Variants in NCK2 observed in about 807,000 individuals in gnomAD.
The protein encoded by NCK2 is cytoplasmic protein NCK2.
A neutral mutation model predicts 33.9 loss-of-function variants in NCK2; 16 were observed. The ratio of observed to expected loss-of-function variants is 0.47; its 90% CI spans 0.32 to 0.72. The LOEUF is 0.72. Among genes scored for constraint, NCK2 ranks in the 30% least tolerant of loss-of-function variants. NCK2 has a pLI of 0.03. For missense variants in NCK2, 418 were observed against 537.3 expected (o/e 0.78, Z 2.19); for synonymous variants, 273 against 239.9 (o/e 1.14, Z -1.27).
intron 1 of NCK2, among the ~76,000 whole-genome samples, chr2:105,766,308 C>G (rs1689947403): frequency 6.6e-6 from 1 of 152,116 alleles, no homozygotes; most frequent in African/African-American, 2.4e-5. Flanking sequence ...CCTTCTCTCA[C>G]CTCTTTTAGG....
intron 1 of NCK2, among the ~76,000 whole-genome samples, chr2:105,785,372 G>A (rs1357611439): frequency 6.6e-6 from 1 of 152,234 alleles, no homozygotes; most frequent in Non-Finnish European, 1.5e-5. Flanking sequence ...AAGGAGGCTA[G>A]TGGGAAGCTT....
chr2:105,891,568 T>TTTA (rs1678983613), intron 4 of NCK2, among the ~76,000 whole-genome samples: 1 of 11,234 alleles, frequency 8.9e-5, no homozygotes, highest in Non-Finnish European at 1.5e-4. Context: ...TTTTTTTTTT[T>TTTA]GAGATTTTTC....
At chr2:105,885,772 G>T (rs1678695313) in intron 4 of NCK2, among the ~76,000 whole-genome samples, 1 of 152,080 alleles carries the variant, frequency 6.6e-6, no homozygotes, top group Non-Finnish European at 1.5e-5. Flanking sequence ...AACCATTTCT[G>T]CATAATACTA....
At chr2:105,859,388 C>G (rs749917160) in intron 3 of NCK2, among the ~76,000 whole-genome samples, 2 of 152,134 alleles carry the variant, frequency 1.3e-5, no homozygotes, top group African/African-American at 4.8e-5. Context: ...CACCCTGCCA[C>G]CCTACCTACC....
rs536719096 is a variant in NCK2, at chr2:105,750,138, G to T, written c.-201+5000G>T. On this transcript the variant is annotated intron_variant, in intron 1 of 4. Transcript: ENST00000233154. ...TTTCTCACAGTTCTGGAGGCTGGAA[G>T]TCCATGACCCCGGGGCCGGCAGGGC... Among the ~76,000 whole-genome samples, 517 of 152,076 alleles carry T rather than the reference G, an allele frequency of 3.4e-3. 5 individuals are homozygous for T. Among genetic ancestry groups the T allele is most frequent in the African/African-American group, 0.012 (481 of 41,450 alleles).
At chr2:105,887,226 A>C (rs1278399454) in intron 4 of NCK2, among the ~76,000 whole-genome samples, 2 of 152,248 alleles carry the variant, frequency 1.3e-5, no homozygotes, top group Non-Finnish European at 2.9e-5. Context: ...AGAAACTATT[A>C]ATCAGTGGAT....
intron 2 of NCK2, among the ~76,000 whole-genome samples, chr2:105,850,047 G>C (rs902728380): frequency 1.2e-4 from 19 of 152,142 alleles, no homozygotes; most frequent in Non-Finnish European, 2.5e-4. Context: ...TTGTATTCAT[G>C]TCTCTCCTGA....
intron 1 of NCK2, among the ~76,000 whole-genome samples, chr2:105,763,954 A>G (rs1689849527): frequency 6.6e-6 from 1 of 152,236 alleles, no homozygotes; most frequent in Non-Finnish European, 1.5e-5. Flanking sequence ...ATGTGTCAAT[A>G]ATAATAGCTG....
At chr2:105,786,683 G>A (rs1236668134) in intron 1 of NCK2, among the ~76,000 whole-genome samples, 1 of 152,134 alleles carries the variant, frequency 6.6e-6, no homozygotes, top group Admixed American at 6.5e-5. Context: ...GACTCTCCTG[G>A]GTCCCCGGGC....
rs1292416285 is a variant in NCK2, at chr2:105,789,216, C to T, written c.-200-27214C>T. 9.9e-5 allele frequency among the ~76,000 whole-genome samples: 15 copies of T among 152,076 alleles called. No homozygotes were observed. The East Asian group carries it at 2.7e-3, about 27-fold the overall frequency. On this transcript the variant is annotated intron_variant, in intron 1 of 4. Transcript: ENST00000233154. ...CTTTTTCTTTTTTTGGAGACAGAGT[C>T]TTACCCTATTGACCAGGCTGGAGTG...
rs761423872 is a variant in NCK2 at position 105,881,766 on chromosome 2, T to C, written c.665T>C (p.Met222Thr). ...EELNFEKGET[M>T]EVIEKPENDP... ...CTCAACTTCGAGAAGGGGGAGACCATGGAGGTGATTGAGAAGCCGGAGAAC... is the reference window on the plus strand; with the variant it reads ...CTCAACTTCGAGAAGGGGGAGACCACGGAGGTGATTGAGAAGCCGGAGAAC... Residue 222 changes from methionine to threonine, a missense_variant, in exon 4 of 5, where the codon ATG becomes ACG. Coordinates refer to ENST00000233154, the MANE Select transcript of NCK2 (RefSeq NM_003581.5). 6.2e-7 allele frequency: 1 copy of C among 1,614,012 alleles called. No homozygotes were observed. Among genetic ancestry groups the C allele is most frequent in the Non-Finnish European group, 8.5e-7 (1 of 1,179,960 alleles).
intron 3 of NCK2, among the ~76,000 whole-genome samples, chr2:105,868,139 G>C (rs1677835803): frequency 1.3e-5 from 2 of 152,204 alleles, no homozygotes; most frequent in Admixed American, 1.3e-4. Context: ...TGCTGCCTTG[G>C]TGTAACCGAT....
At chr2:105,822,619 T>A (rs1280374548) in intron 2 of NCK2, among the ~76,000 whole-genome samples, 6 of 151,982 alleles carry the variant, frequency 3.9e-5, no homozygotes, top group Non-Finnish European at 7.3e-5. Flanking sequence ...TTTTCTGTCA[T>A]AGCTGATACA....
intron 1 of NCK2, among the ~76,000 whole-genome samples, chr2:105,751,535 C>G (rs192708256): frequency 8.9e-4 from 135 of 152,284 alleles, no homozygotes; most frequent in Non-Finnish European, 1.7e-3. Context: ...TCTAAATATC[C>G]CCTTCCCCAT....
In NCK2 at chr2:105,818,393, G is replaced by A. The variant is rs913238234; in HGVS notation, c.-17+1780G>A. On this transcript the variant is annotated intron_variant, in intron 2 of 4. Coordinates refer to ENST00000233154, the MANE Select transcript of NCK2 (RefSeq NM_003581.5). ...GTATACATATATAACAAACCTGCAC[G>A]TTTTGCACATGTACCCTAGAACTTA... Among the ~76,000 whole-genome samples the A allele has an allele frequency of 3.3e-5, 5 of 151,540 alleles. No individual in the cohort carries two copies. In the South Asian group the frequency reaches 6.3e-4, roughly 19 times the overall value.
chr2:105,887,539 A>C (rs192757072), intron 4 of NCK2, among the ~76,000 whole-genome samples: 95 of 152,292 alleles, frequency 6.2e-4, no homozygotes, highest in African/African-American at 2.2e-3. Context: ...ATAAAGTCCA[A>C]AGTGAAAGAT....
At chr2:105,815,716 G>T (rs114455235) in intron 1 of NCK2, among the ~76,000 whole-genome samples, 1 of 152,190 alleles carries the variant, frequency 6.6e-6, no homozygotes, top group Admixed American at 6.5e-5. Flanking sequence ...TTAGCCCAAG[G>T]CTATGGGTCC....
At chr2:105,793,592 T>G (rs6706946) in intron 1 of NCK2, among the ~76,000 whole-genome samples, 36,799 of 152,200 alleles carry the variant, frequency 0.24, 6,162 homozygotes, top group African/African-American at 0.47. Context: ...TCCACCAAAG[T>G]GAGCAATGAA....
intron 1 of NCK2, among the ~76,000 whole-genome samples, chr2:105,751,431 G>A (rs868057817): frequency 6.6e-6 from 1 of 152,132 alleles, no homozygotes; most frequent in Non-Finnish European, 1.5e-5. Context: ...CCTGCACACG[G>A]TGGCTCTCCA....
Sources: gnomAD v4.1 joint callset for allele counts (sites outside exome capture counted in the v4.1 genomes callset) on GRCh38, gnomAD v4.1.1 for gene constraint, MANE v1.5 for transcripts, NCBI Gene and HGNC (gene_info 2026-07-23, HGNC 2026-07-21) for gene names.